The following NCAM2 variants were observed in gnomAD, a reference collection of about 807,000 sequenced individuals.
NCAM2 encodes the protein neural cell adhesion molecule 2.
Under a neutral mutation model 98.1 loss-of-function variants are expected in NCAM2, and 30 were observed. The ratio of observed to expected loss-of-function variants is 0.31; its 90% confidence interval spans 0.23 to 0.41. NCAM2 has a LOEUF of 0.41. NCAM2 is among the 10% of genes least tolerant of loss of function. The probability of loss-of-function intolerance (pLI) is 1.00; values close to 1 mark genes in which losing one functional copy is unlikely to be tolerated. For missense variants in NCAM2, 867 were observed against 1,005.8 expected, an observed-to-expected ratio of 0.86 and a Z score of 1.87; for synonymous variants, 368 against 342.4, an observed-to-expected ratio of 1.07 and a Z score of -0.83.
chr21:21,244,162 A>G (rs1294240994), intron 1 of NCAM2, among the ~76,000 whole-genome samples: 1 of 152,162 alleles, frequency 6.6e-6, no homozygotes, highest in Admixed American at 6.5e-5. Context: ...AACAAGGAAC[A>G]CAGGCCATCC....
intron 8 of NCAM2, among the ~76,000 whole-genome samples, chr21:21,372,445 C>A (rs751772135): frequency 1.3e-5 from 2 of 151,568 alleles, no homozygotes; most frequent in African/African-American, 4.8e-5. Flanking sequence ...CCTGGAAATA[C>A]TAGATAGACA....
intron 1 of NCAM2, among the ~76,000 whole-genome samples, chr21:21,104,596 G>A (rs955106343): frequency 1.3e-5 from 2 of 151,798 alleles, no homozygotes; most frequent in African/African-American, 4.8e-5. Flanking sequence ...ATTTTTTTTC[G>A]AAGAGGGTGC....
chr21:21,298,586 T>TACAA (rs2073578212), intron 5 of NCAM2, among the ~76,000 whole-genome samples: 1 of 112,080 alleles, frequency 8.9e-6, no homozygotes, highest in African/African-American at 2.9e-5. Context: ...AAATGATAGA[T>TACAA]ACAGATAGAT....
chr21:21,236,588 A>G (rs2070835676), intron 1 of NCAM2, among the ~76,000 whole-genome samples: 1 of 152,150 alleles, frequency 6.6e-6, no homozygotes, highest in Admixed American at 6.6e-5. Context: ...GATAAATAAT[A>G]AATACATTTT....
rs181187964 is a variant in NCAM2 at position 21,442,190 on chromosome 21, A to T, written c.1654+9909A>T. Among the ~76,000 whole-genome samples the T allele has an allele frequency of 4.6e-5, 7 of 152,216 alleles. No homozygotes were observed. The East Asian group carries it at 1.4e-3, about 29-fold the overall frequency. On this transcript the variant is annotated intron_variant, in intron 12 of 17. Coordinates refer to ENST00000400546, the MANE Select transcript of NCAM2 (RefSeq NM_004540.5). ...TAGGATCACTCTAGCTACTATCTTG[A>T]GGAAAGAGTGCAATAAGGCGGAACA...
intron 1 of NCAM2, among the ~76,000 whole-genome samples, chr21:21,256,676 A>C (rs1358548471): frequency 6.6e-6 from 1 of 152,180 alleles, no homozygotes; most frequent in Non-Finnish European, 1.5e-5. Flanking sequence ...GGACTTACAT[A>C]AGGCCAACTA....
chr21:21,422,324 G>T (rs1046587717), intron 11 of NCAM2, among the ~76,000 whole-genome samples: 6 of 152,090 alleles, frequency 3.9e-5, no homozygotes, highest in African/African-American at 1.4e-4. Context: ...GGAGAGAGGG[G>T]AAGATTGAAA....
intron 1 of NCAM2, among the ~76,000 whole-genome samples, chr21:21,065,600 GA>G (rs2065419854): frequency 6.6e-6 from 1 of 152,028 alleles, no homozygotes; most frequent in African/African-American, 2.4e-5. Flanking sequence ...ATGACGCCTT[GA>G]AAAATTATTC....
chr21:21,393,778 A>T (rs966758389), intron 9 of NCAM2, among the ~76,000 whole-genome samples: 2 of 152,192 alleles, frequency 1.3e-5, no homozygotes, highest in Non-Finnish European at 2.9e-5. Context: ...CTTAAAAATG[A>T]TACAGCTATT....
intron 1 of NCAM2, among the ~76,000 whole-genome samples, chr21:21,096,087 C>T (rs1269707179): frequency 6.6e-6 from 1 of 151,592 alleles, no homozygotes; most frequent in African/African-American, 2.4e-5. Flanking sequence ...TTGTCTTTGT[C>T]TTTCAGAAAA....
intron 8 of NCAM2, among the ~76,000 whole-genome samples, chr21:21,364,438 A>G (rs931864462): frequency 3.9e-5 from 6 of 152,012 alleles, no homozygotes; most frequent in East Asian, 1.9e-4. Context: ...CCATATTCAA[A>G]ATAAAACATA....
chr21:21,215,220 C>T (rs1172331511), intron 1 of NCAM2, among the ~76,000 whole-genome samples: 1 of 152,024 alleles, frequency 6.6e-6, no homozygotes, highest in Admixed American at 6.5e-5. Context: ...ATGTGCTTAT[C>T]ATTATGCAAA....
intron 11 of NCAM2, among the ~76,000 whole-genome samples, chr21:21,431,742 C>T (rs2077349899): frequency 1.3e-5 from 2 of 151,860 alleles, no homozygotes; most frequent in African/African-American, 2.4e-5. Context: ...TGTATTCTAA[C>T]GTTTTAACTA....
At chr21:21,389,127 A>G (rs2076329191) in intron 9 of NCAM2, among the ~76,000 whole-genome samples, 1 of 152,220 alleles carries the variant, frequency 6.6e-6, no homozygotes, top group Admixed American at 6.5e-5. Flanking sequence ...CTGGTCATTT[A>G]TAAAAGAAAA....
chr21:21,184,195 T>G (rs1188918148), intron 1 of NCAM2, among the ~76,000 whole-genome samples: 1 of 152,060 alleles, frequency 6.6e-6, no homozygotes, highest in Non-Finnish European at 1.5e-5. Context: ...TGATAAAATT[T>G]AGGTTAGGGA....
intron 8 of NCAM2, among the ~76,000 whole-genome samples, chr21:21,347,336 C>A (rs986769169): frequency 5.3e-5 from 8 of 151,706 alleles, no homozygotes; most frequent in Non-Finnish European, 8.8e-5. Flanking sequence ...TATATAGAAC[C>A]CCAAAAGACT....
Position 21,294,925 on chromosome 21 carries a change from A to G in NCAM2, c.619+2684A>G, listed in dbSNP as rs980093521. On this transcript the variant is annotated intron_variant, in intron 5 of 17. Transcript: ENST00000400546. ...ATAATACCAATAAAATAAAAGTGCT[A>G]CTTTTATTCATATTATTTGATCTTT... 2.6e-5 allele frequency among the ~76,000 whole-genome samples: 4 copies of G among 151,754 alleles called. No individual in the cohort carries two copies. In the Admixed American group the frequency reaches 2.6e-4, roughly 10 times the overall value.
intron 12 of NCAM2, among the ~76,000 whole-genome samples, chr21:21,451,804 C>T (rs576973552): frequency 8.5e-5 from 13 of 152,164 alleles, no homozygotes; most frequent in South Asian, 6.2e-4. Context: ...AACTTGGAAA[C>T]CTCACCAGAC....
At chr21:21,475,999 G>A (rs1985118057) in intron 14 of NCAM2, among the ~76,000 whole-genome samples, 1 of 152,212 alleles carries the variant, frequency 6.6e-6, no homozygotes, top group East Asian at 1.9e-4. Flanking sequence ...TTTGAGTACT[G>A]TCAATTTAAT....
Sources: gnomAD v4.1 joint callset for allele counts (sites outside exome capture counted in the v4.1 genomes callset) on GRCh38, gnomAD v4.1.1 for gene constraint, MANE v1.5 for transcripts, NCBI Gene and HGNC (gene_info 2026-07-23, HGNC 2026-07-21) for gene names.